The following TADA2A variants were observed in gnomAD, a reference collection of about 807,000 sequenced individuals.
TADA2A encodes the protein transcriptional adaptor 2A, also known as transcriptional adapter 2-alpha.
In TADA2A, 38 loss-of-function variants were observed where a neutral mutation model predicts 67.4. The ratio of observed to expected loss-of-function variants is 0.56; its 90% CI spans 0.44 to 0.74. The LOEUF (loss-of-function observed/expected upper bound fraction) is 0.74, where lower values mean the gene tolerates loss of function less well. TADA2A is among the 30% of genes least tolerant of loss of function. TADA2A has a pLI of 0.00. For missense variants in TADA2A, 454 were observed against 547.0 expected (o/e 0.83, Z 1.70); for synonymous variants, 192 against 181.6 (o/e 1.06, Z -0.46).
At chr17:37,467,385 A>G (rs1223584307) in intron 11 of TADA2A, 69 bp from the exon 12 acceptor site, 1 of 1,314,352 alleles carries the variant, frequency 7.6e-7, no homozygotes, top group Non-Finnish European at 1.1e-6. Flanking sequence ...AATGCTCAAT[A>G]GCAAAAGTGC....
intron 8 of TADA2A, chr17:37,454,719 C>A: frequency 2.9e-6 from 1 of 345,404 alleles, no homozygotes. Flanking sequence ...TTCCAGAAGG[C>A]CATTACTGGT....
At chr17:37,441,420 G>C (rs1216950917) in intron 6 of TADA2A, among the ~76,000 whole-genome samples, 1 of 152,100 alleles carries the variant, frequency 6.6e-6, no homozygotes, top group Non-Finnish European at 1.5e-5. Flanking sequence ...CCAAGAATCA[G>C]TTTGTTATTT....
intron 8 of TADA2A, among the ~76,000 whole-genome samples, chr17:37,447,205 AG>A (rs1179391312): frequency 6.6e-6 from 1 of 152,200 alleles, no homozygotes; most frequent in Non-Finnish European, 1.5e-5. Flanking sequence ...CTTGTTAGCC[AG>A]GCGGGAGCGC....
intron 6 of TADA2A, among the ~76,000 whole-genome samples, chr17:37,440,879 G>T (rs2052895046): frequency 6.6e-6 from 1 of 152,178 alleles, no homozygotes. Context: ...TAAATCACTT[G>T]AGGCCAGGAG....
intron 2 of TADA2A, among the ~76,000 whole-genome samples, chr17:37,422,213 T>G (rs1165035280): frequency 2.1e-5 from 3 of 145,150 alleles, no homozygotes; most frequent in African/African-American, 7.5e-5. Flanking sequence ...ACCTGGCTAA[T>G]TTTTGTGTTT....
chr17:37,417,466 G>A (rs1037139843), intron 2 of TADA2A, among the ~76,000 whole-genome samples: 1 of 152,116 alleles, frequency 6.6e-6, no homozygotes, highest in African/African-American at 2.4e-5. Context: ...AGTCTGGGAG[G>A]GAGAGTTTGC....
At chr17:37,436,811 C>T (rs532241632) in intron 4 of TADA2A, among the ~76,000 whole-genome samples, 1 of 150,996 alleles carries the variant, frequency 6.6e-6, no homozygotes, top group Non-Finnish European at 1.5e-5. Flanking sequence ...TTTTATTCTT[C>T]CATTTAAAAA....
intron 4 of TADA2A, among the ~76,000 whole-genome samples, chr17:37,429,821 A>C (rs1015254142): frequency 6.6e-6 from 1 of 152,228 alleles, no homozygotes; most frequent in Non-Finnish European, 1.5e-5. Flanking sequence ...ATCTCTAAAC[A>C]ATTTCAGTCT....
At chr17:37,438,021 T>C (rs2052785006) in intron 5 of TADA2A, 192 bp downstream of exon 5, 1 of 582,544 alleles carries the variant, frequency 1.7e-6, no homozygotes, top group East Asian at 2.9e-5. Context: ...GGATATGGGA[T>C]GTTTAGCGGT....
intron 1 of TADA2A, among the ~76,000 whole-genome samples, chr17:37,409,654 C>G (rs1469571331): frequency 6.6e-6 from 1 of 151,400 alleles, no homozygotes; most frequent in Non-Finnish European, 1.5e-5. Flanking sequence ...GTAATCCCAG[C>G]TAATTGGGAG....
intron 6 of TADA2A, among the ~76,000 whole-genome samples, chr17:37,441,568 C>A (rs2052917828): frequency 6.6e-6 from 1 of 151,974 alleles, no homozygotes; most frequent in Non-Finnish European, 1.5e-5. Context: ...TCTCAGGGTA[C>A]AAGTAATGAG....
intron 14 of TADA2A, 97 bp downstream of exon 14, chr17:37,471,234 G>A (rs2053780759): frequency 7.8e-7 from 1 of 1,285,728 alleles, no homozygotes; most frequent in African/African-American, 1.5e-5. Flanking sequence ...TGGTGTCAGG[G>A]TGCTTAGGCA....
chr17:37,465,352 T>G (rs1055352593), intron 10 of TADA2A, 79 bp from the exon 11 acceptor site: 33 of 1,064,462 alleles, frequency 3.1e-5, no homozygotes, highest in Non-Finnish European at 4.5e-5. Context: ...ATTTTACTAA[T>G]TGTAAAAAAA....
intron 8 of TADA2A, among the ~76,000 whole-genome samples, chr17:37,445,285 A>C (rs2053042675): frequency 6.6e-6 from 1 of 152,150 alleles, no homozygotes; most frequent in Non-Finnish European, 1.5e-5. Flanking sequence ...TTTGTTTTTG[A>C]GACGGAGTCT....
In TADA2A at chr17:37,463,398, A is replaced by C. The variant is rs182297790; in HGVS notation, c.712+1277A>C. Reference sequence around the variant, plus strand: ...CTTGTAGGGGTATTTATTTAATAATATATAGCATCGTAGGGTTCAGTCAAC... The same window carrying C: ...CTTGTAGGGGTATTTATTTAATAATCTATAGCATCGTAGGGTTCAGTCAAC... On this transcript the variant is annotated intron_variant, in intron 10 of 15. Coordinates refer to ENST00000615182, the MANE Select transcript of TADA2A (RefSeq NM_001166105.3). Among the ~76,000 whole-genome samples, 3 of 152,170 alleles carry C rather than the reference A, an allele frequency of 2.0e-5. No individual in the cohort carries two copies. The East Asian group carries it at 5.8e-4, about 29-fold the overall frequency.
intron 2 of TADA2A, among the ~76,000 whole-genome samples, chr17:37,420,394 C>CT (rs202103528): frequency 0.021 from 2,735 of 131,570 alleles, 217 homozygotes; most frequent in African/African-American, 0.045. Context: ...TCTTCTGTGT[C>CT]TTTTTTTTTT....
chr17:37,472,798 G>A (rs2053817250), intron 14 of TADA2A, among the ~76,000 whole-genome samples: 1 of 152,094 alleles, frequency 6.6e-6, no homozygotes, highest in African/African-American at 2.4e-5. Flanking sequence ...GGAGGCAGAG[G>A]TTTCAGTGAG....
At position 37,470,370 on chromosome 17, in the gene TADA2A, T is replaced by C. The variant is rs370706096; in HGVS notation, c.896-30T>C. On this transcript the variant is annotated intron_variant, in intron 12 of 15. Coordinates refer to ENST00000615182, the MANE Select transcript of TADA2A (RefSeq NM_001166105.3). ...GCCCTTCAGTTCTGCTGCATTGTCA[T>C]TGTGGTCATTGTGTTTTCTATACCC... 5 of 1,612,940 alleles carry C rather than the reference T, an allele frequency of 3.1e-6. No homozygotes were observed. In the African/African-American group the frequency reaches 6.7e-5, roughly 22 times the overall value.
rs535293417 is a variant in TADA2A, at chr17:37,426,940, T to C, written c.133-10T>C. 3.8e-6 allele frequency: 6 copies of C among 1,593,872 alleles called. No individual in the cohort carries two copies. The East Asian group carries it at 1.4e-4, about 36-fold the overall frequency. ...TAGCTTTTGCTAATTTAATTTTTCT[T>C]TCTTTGCAGTGTTTCACTCGAGGCT... On this transcript the variant is annotated splice_polypyrimidine_tract_variant and intron_variant, in intron 3 of 15. Coordinates refer to ENST00000615182, the MANE Select transcript of TADA2A (RefSeq NM_001166105.3).
Sources: allele counts gnomAD v4.1 joint callset (sites outside exome capture counted in the v4.1 genomes callset), GRCh38; gene constraint gnomAD v4.1.1; transcripts MANE v1.5; gene names NCBI Gene and HGNC (gene_info 2026-07-23, HGNC 2026-07-21).